Variants in XKR4 observed in about 807,000 individuals in gnomAD.
XKR4 encodes the protein XK related 4.
Under a neutral mutation model 53.9 loss-of-function variants are expected in XKR4, and 12 were observed. The ratio of observed to expected loss-of-function variants is 0.22; its 90% CI spans 0.14 to 0.36. The LOEUF (loss-of-function observed/expected upper bound fraction) is 0.36. Among genes scored for constraint, XKR4 ranks in the 10% least tolerant of loss-of-function variants. XKR4 has a pLI of 1.00. For synonymous variants in XKR4, 354 were observed against 362.4 expected (o/e 0.98, Z 0.26); for missense variants, 799 against 859.5 (o/e 0.93, Z 0.88).
At chr8:55,316,594 G>C (rs189663215) in intron 1 of XKR4, among the ~76,000 whole-genome samples, 1 of 152,284 alleles carries the variant, frequency 6.6e-6, no homozygotes, top group East Asian at 1.9e-4. Flanking sequence ...AGTGTTCTGA[G>C]ACTATGTGAT....
At chr8:55,481,290 T>A (rs1806100661) in intron 2 of XKR4, among the ~76,000 whole-genome samples, 1 of 152,112 alleles carries the variant, frequency 6.6e-6, no homozygotes, top group African/African-American at 2.4e-5. Flanking sequence ...AAACAAGCAA[T>A]GGGGAAAGGA....
intron 1 of XKR4, among the ~76,000 whole-genome samples, chr8:55,141,948 G>C (rs1244069782): frequency 6.6e-6 from 1 of 152,104 alleles, no homozygotes; most frequent in Non-Finnish European, 1.5e-5. Context: ...GCAGGGTTCA[G>C]AGCAGACCCT....
At position 55,452,665 on chromosome 8, in the gene XKR4, C is replaced by A. The variant is rs969789351; in HGVS notation, c.1007-70616C>A. The A allele has an allele frequency of 2.4e-5, 35 of 1,431,552 alleles. No individual in the cohort carries two copies. The South Asian group carries it at 3.9e-4, about 16-fold the overall frequency. 88.7% of individuals were successfully genotyped at this position (1,431,552 alleles called of 1,614,324 possible). The stretch of plus-strand genomic sequence containing the variant: ...CCCTTGAGGTGGTCACTGGTGACCC[C>A]ACTCTCTGTGCAGACCTTGTCCACA... On this transcript the variant is annotated intron_variant, in intron 2 of 2. Transcript: ENST00000327381.
At chr8:55,160,120 G>A (rs757748786) in intron 1 of XKR4, among the ~76,000 whole-genome samples, 1 of 152,246 alleles carries the variant, frequency 6.6e-6, no homozygotes, top group Non-Finnish European at 1.5e-5. Context: ...ATGATTGGAA[G>A]CATAAGGGTG....
chr8:55,443,522 A>C (rs1174408267), intron 2 of XKR4, among the ~76,000 whole-genome samples: 3 of 123,662 alleles, frequency 2.4e-5, no homozygotes, highest in Admixed American at 9.4e-5. Context: ...ATTTATAATC[A>C]GTTACATTAA....
Position 55,118,822 on chromosome 8 carries a change from G to GT in XKR4, c.806+15537dup, listed in dbSNP as rs564288160. ...GTTAAATGATTTTATTGCAAAGTAT[G>GT]TTTTTTTTTGGAGAGACTAGGTGAT... On this transcript the variant is annotated intron_variant, in intron 1 of 2. Transcript: ENST00000327381. 6.8e-4 allele frequency among the ~76,000 whole-genome samples: 102 copies of GT among 150,970 alleles called. 1 individual carries two copies. The South Asian group carries it at 6.9e-3, about 10-fold the overall frequency.
intron 1 of XKR4, among the ~76,000 whole-genome samples, chr8:55,336,589 T>C (rs1473474014): frequency 1.3e-5 from 2 of 152,192 alleles, no homozygotes; most frequent in African/African-American, 2.4e-5. Flanking sequence ...GAACTCTATA[T>C]ACTATTTTTT....
chr8:55,230,213 T>C (rs1285526803), intron 1 of XKR4, among the ~76,000 whole-genome samples: 1 of 152,112 alleles, frequency 6.6e-6, no homozygotes, highest in Non-Finnish European at 1.5e-5. Flanking sequence ...TTTCCCAGAA[T>C]GTTAGATATG....
chr8:55,385,909 C>T (rs1032220963), intron 2 of XKR4, among the ~76,000 whole-genome samples: 1 of 152,122 alleles, frequency 6.6e-6, no homozygotes, highest in Non-Finnish European at 1.5e-5. Flanking sequence ...TGTTTTATGG[C>T]TCCTAATTCT....
intron 1 of XKR4, among the ~76,000 whole-genome samples, chr8:55,286,825 G>A (rs560372667): frequency 2.6e-5 from 4 of 152,294 alleles, no homozygotes; most frequent in African/African-American, 4.8e-5. Flanking sequence ...AATGGGGAAT[G>A]TGTCTTTAAA....
At chr8:55,174,715 G>A (rs542881131) in intron 1 of XKR4, among the ~76,000 whole-genome samples, 1 of 152,290 alleles carries the variant, frequency 6.6e-6, no homozygotes, top group East Asian at 1.9e-4. Flanking sequence ...GGTTGAAGTA[G>A]TAACTGTCAC....
At chr8:55,365,196 G>T (rs751531668) in intron 2 of XKR4, among the ~76,000 whole-genome samples, 1 of 152,156 alleles carries the variant, frequency 6.6e-6, no homozygotes, top group Non-Finnish European at 1.5e-5. Flanking sequence ...GGCTGCAGCC[G>T]GCTCCACTCT....
chr8:55,454,145 G>C (rs981583426), intron 2 of XKR4: 1 of 907,350 alleles, frequency 1.1e-6, no homozygotes. Flanking sequence ...CTCCAGCTCC[G>C]GGTCCAGGAC....
intron 2 of XKR4, among the ~76,000 whole-genome samples, chr8:55,386,782 G>A (rs1299252472): frequency 6.6e-6 from 1 of 152,174 alleles, no homozygotes; most frequent in African/African-American, 2.4e-5. Context: ...GACAGGACTA[G>A]CTTTTCTAAC....
chr8:55,522,850 A>G (rs1382042957), intron 2 of XKR4, among the ~76,000 whole-genome samples: 1 of 152,220 alleles, frequency 6.6e-6, no homozygotes, highest in Non-Finnish European at 1.5e-5. Flanking sequence ...GCTGGGTTTG[A>G]GTAGCATTCC....
In XKR4 at chr8:55,103,222, C is replaced by T; in HGVS notation, c.734C>T (p.Ser245Phe). 1 of 1,614,114 alleles carries T rather than the reference C, an allele frequency of 6.2e-7. No homozygotes were observed. The change falls in exon 1 of 3, where the codon TCT (serine) becomes TTT (phenylalanine). Residue 245 changes from serine (S) to phenylalanine (F), a missense_variant. Physicochemically the swap from Ser to Phe is radical, Grantham distance 155. Transcript: ENST00000327381. The stretch of plus-strand genomic sequence containing the variant: ...ACCCGGGCCAGTGGCAAGCACAGGT[C>T]TGCGTCCTGCTCCTTCTGCATCTGG... Reference protein sequence around the residue: ...GATRASGKHRSASCSFCIWLL... With the variant: ...GATRASGKHRFASCSFCIWLL...
chr8:55,368,323 T>A (rs146833954), intron 2 of XKR4, among the ~76,000 whole-genome samples: 299 of 152,264 alleles, frequency 2.0e-3, no homozygotes, highest in African/African-American at 6.9e-3. Flanking sequence ...TGCAATTAAA[T>A]GAAGTACAAA....
chr8:55,246,713 C>CTT (rs5891565), intron 1 of XKR4, among the ~76,000 whole-genome samples: 101 of 144,452 alleles, frequency 7.0e-4, no homozygotes, highest in East Asian at 4.2e-3. Flanking sequence ...CCATTAAAGT[C>CTT]TTTTTTTTTT....
At chr8:55,280,863 CTG>C (rs1818836609) in intron 1 of XKR4, among the ~76,000 whole-genome samples, 2 of 152,182 alleles carry the variant, frequency 1.3e-5, no homozygotes, top group Non-Finnish European at 2.9e-5. Context: ...GGTATGAAGA[CTG>C]TAAAATTTTA....
Sources: gnomAD v4.1 joint callset for allele counts (sites outside exome capture counted in the v4.1 genomes callset) on GRCh38, gnomAD v4.1.1 for gene constraint, MANE v1.5 for transcripts, NCBI Gene and HGNC (gene_info 2026-07-23, HGNC 2026-07-21) for gene names.